Variants in PKP1 observed in about 807,000 individuals in gnomAD.
PKP1 encodes plakophilin 1.
PKP1 carries 27 observed loss-of-function variants against 76.4 expected under a neutral mutation model. The observed-to-expected ratio is 0.35, with a 90% CI of 0.26 to 0.49. The LOEUF is 0.49. PKP1 is among the 20% of genes least tolerant of loss of function. The pLI, the probability that PKP1 is intolerant of heterozygous loss-of-function variation, is 0.99. For missense variants in PKP1, 964 were observed against 955.2 expected, an observed-to-expected ratio of 1.01 and a Z score of -0.12; for synonymous variants, 404 against 384.2, an observed-to-expected ratio of 1.05 and a Z score of -0.60.
At chr1:201,300,191 G>T (rs952577077) in intron 2 of PKP1, among the ~76,000 whole-genome samples, 2 of 152,256 alleles carry the variant, frequency 1.3e-5, no homozygotes, top group Admixed American at 1.3e-4. Flanking sequence ...AGGCAAGTGA[G>T]CGGGAGCGGG....
intron 3 of PKP1, 110 bp downstream of exon 3, chr1:201,313,670 T>C: frequency 8.3e-7 from 1 of 1,201,680 alleles, no homozygotes; most frequent in Non-Finnish European, 1.2e-6. Context: ...GAGACATAGC[T>C]TCTGTCCCTG....
At chr1:201,313,012 A>G (rs1048299489) in intron 2 of PKP1, among the ~76,000 whole-genome samples, 154 bp from the exon 3 acceptor site, 1 of 152,304 alleles carries the variant, frequency 6.6e-6, no homozygotes, top group East Asian at 1.9e-4. Context: ...AAAGTAATAT[A>G]TCAGATGATG....
At chr1:201,322,252 G>C in intron 8 of PKP1, 119 bp downstream of exon 8, 1 of 1,127,456 alleles carries the variant, frequency 8.9e-7, no homozygotes, top group Non-Finnish European at 1.3e-6. Context: ...TAAGGGACAG[G>C]CCCATGCTGA....
Position 201,324,984 on chromosome 1 carries a change from C to G in PKP1, c.1878C>G (p.His626Gln). The G allele has an allele frequency of 6.2e-7, 1 of 1,613,892 alleles. No individual in the cohort carries two copies. The highest frequency in any genetic ancestry group is 8.5e-7 in the Non-Finnish European group (1 of 1,180,010). The change falls in exon 11 of 14, where the codon CAC becomes CAG. Residue 626 changes from histidine to glutamine, a missense_variant. Coordinates refer to ENST00000367324, the MANE Select transcript of PKP1 (RefSeq NM_001005337.3). ...FPEVTRLLTS[H>Q]TGNTSNSEDI... is the part of the protein sequence containing the mutation. Reference sequence around the variant, plus strand: ...AGGTGACCAGGCTCCTCACCAGCCACACTGGCAATACCAGCAACTCCGAAG... The same window carrying G: ...AGGTGACCAGGCTCCTCACCAGCCAGACTGGCAATACCAGCAACTCCGAAG...
chr1:201,297,130 A>G (rs1450402330), intron 2 of PKP1, among the ~76,000 whole-genome samples: 2 of 152,234 alleles, frequency 1.3e-5, no homozygotes, highest in East Asian at 1.9e-4. Context: ...GATTATTCAC[A>G]TCACAAATTG....
At chr1:201,296,340 A>T (rs1173761505) in intron 2 of PKP1, among the ~76,000 whole-genome samples, 1 of 152,234 alleles carries the variant, frequency 6.6e-6, no homozygotes, top group Non-Finnish European at 1.5e-5. Flanking sequence ...GATCTGTGGC[A>T]TGAGATAATC....
At chr1:201,324,360 C>A (rs1394395194) in intron 9 of PKP1, 68 bp from the exon 10 acceptor site, 2 of 1,529,462 alleles carry the variant, frequency 1.3e-6, no homozygotes, top group Non-Finnish European at 1.8e-6. Context: ...GGGCTCCTTG[C>A]CCCTTTCTGC....
intron 2 of PKP1, among the ~76,000 whole-genome samples, chr1:201,297,278 G>C (rs540636241): frequency 2.0e-4 from 31 of 152,258 alleles, no homozygotes; most frequent in African/African-American, 5.5e-4. Flanking sequence ...TCTGCTCTCT[G>C]CTGGCCACCC....
chr1:201,310,211 C>A (rs1656506107), intron 2 of PKP1, among the ~76,000 whole-genome samples: 1 of 152,188 alleles, frequency 6.6e-6, no homozygotes, highest in African/African-American at 2.4e-5. Context: ...ATATGATGTC[C>A]CTACCGAGCA....
chr1:201,320,239 C>T, intron 6 of PKP1, 28 bp from the exon 7 acceptor site: 1 of 1,440,504 alleles, frequency 6.9e-7, no homozygotes. Context: ...CCTTTCTCTG[C>T]CCTCTTCCAC....
intron 3 of PKP1, among the ~76,000 whole-genome samples, chr1:201,314,615 C>T (rs1344975379): frequency 1.3e-5 from 2 of 152,230 alleles, no homozygotes; most frequent in Non-Finnish European, 2.9e-5. Context: ...TGGGGTGCCC[C>T]GTTAGGAGCC....
In PKP1 at chr1:201,313,322, A is replaced by T; in HGVS notation, c.463A>T (p.Ser155Cys). The change falls in exon 3 of 14, where the codon AGT becomes TGT. Residue 155 changes from serine (S) to cysteine (C), a missense_variant. By Grantham distance (112) the Ser-to-Cys change is moderately radical (BLOSUM62 -1). Coordinates refer to ENST00000367324, the MANE Select transcript of PKP1 (RefSeq NM_001005337.3). ...CFMQKIKASR[S>C]EPDLYCDPRG... is the part of the protein sequence containing the mutation. Reference sequence around the variant, plus strand: ...CATGCAGAAAATCAAGGCGAGCCGCAGTGAGCCCGACCTCTACTGTGACCC... The same window carrying T: ...CATGCAGAAAATCAAGGCGAGCCGCTGTGAGCCCGACCTCTACTGTGACCC... 6.3e-7 allele frequency: 1 copy of T among 1,593,898 alleles called. No homozygotes were observed. The highest frequency in any genetic ancestry group is 8.5e-7 in the Non-Finnish European group (1 of 1,170,196).
chr1:201,317,996 G>C (rs1424210837), intron 5 of PKP1, among the ~76,000 whole-genome samples: 1 of 152,238 alleles, frequency 6.6e-6, no homozygotes, highest in Non-Finnish European at 1.5e-5. Flanking sequence ...CACACAAGGG[G>C]TCACCATCTT....
intron 3 of PKP1, among the ~76,000 whole-genome samples, chr1:201,314,479 A>G (rs1183786563): frequency 6.6e-6 from 1 of 152,078 alleles, no homozygotes; most frequent in Non-Finnish European, 1.5e-5. Flanking sequence ...CAAACAAACA[A>G]CAACAACAAC....
At position 201,324,927 on chromosome 1, in the gene PKP1, C is replaced by G; in HGVS notation, c.1835-14C>G. 6.2e-7 allele frequency: 1 copy of G among 1,612,234 alleles called. No homozygotes were observed. The highest frequency in any genetic ancestry group is 8.5e-7 in the Non-Finnish European group (1 of 1,179,210). On this transcript the variant is annotated splice_polypyrimidine_tract_variant and intron_variant, in intron 10 of 13. Transcript: ENST00000367324. Reference sequence around the variant, plus strand: ...GTCATCCTGACCCTGTGCCCCAACTCGTTCCTCTCCCAGGGAACCAGGTGT... The same window carrying G: ...GTCATCCTGACCCTGTGCCCCAACTGGTTCCTCTCCCAGGGAACCAGGTGT...
chr1:201,297,267 T>C (rs1270452912), intron 2 of PKP1, among the ~76,000 whole-genome samples: 1 of 152,118 alleles, frequency 6.6e-6, no homozygotes, highest in Non-Finnish European at 1.5e-5. Flanking sequence ...CCAGTCCATG[T>C]TCTGCTCTCT....
At chr1:201,291,595 C>A (rs999841553) in intron 1 of PKP1, among the ~76,000 whole-genome samples, 2 of 152,180 alleles carry the variant, frequency 1.3e-5, no homozygotes, top group East Asian at 1.9e-4. Flanking sequence ...TGGTGCAAGC[C>A]CCCCGGGGCT....
At chr1:201,320,082 C>A in intron 6 of PKP1, 185 bp from the exon 7 acceptor site, 1 of 698,218 alleles carries the variant, frequency 1.4e-6, no homozygotes. Context: ...CCTTTCCTCC[C>A]TTTCCTCTTC....
Position 201,324,566 on chromosome 1 carries a change from C to T in PKP1, c.1819C>T (p.Leu607=), listed in dbSNP as rs1292205177. The T allele has an allele frequency of 1.2e-6, 2 of 1,614,190 alleles. No homozygotes were observed. Among genetic ancestry groups the T allele is most frequent in the Non-Finnish European group, 1.7e-6 (2 of 1,180,026 alleles). The part of the protein sequence containing the change: ...LLSNMSRHPL[L]HRVMGNQVFP... ...GAGCAACATGTCCCGCCACCCTCTG[C>T]TGCACAGAGTGATGGGTAAGGTCCC... The change falls in exon 10 of 14, where the codon CTG becomes TTG. Residue 607 remains leucine (L), a synonymous_variant. Transcript: ENST00000367324.
Sources: allele counts gnomAD v4.1 joint callset (sites outside exome capture counted in the v4.1 genomes callset), GRCh38; gene constraint gnomAD v4.1.1; transcripts MANE v1.5; gene names NCBI Gene and HGNC (gene_info 2026-07-23, HGNC 2026-07-21).